Variants in PGBD5 observed in about 807,000 individuals in gnomAD.
PGBD5 encodes the protein piggyBac transposable element-derived protein 5.
A neutral mutation model predicts 47.9 loss-of-function variants in PGBD5; 14 were observed. The ratio of observed to expected loss-of-function variants is 0.29; its 90% CI spans 0.19 to 0.46. The LOEUF (loss-of-function observed/expected upper bound fraction) is 0.46. PGBD5 is among the 20% of genes least tolerant of loss of function. PGBD5 has a pLI of 1.00. For synonymous variants in PGBD5, 316 were observed against 306.3 expected (o/e 1.03, Z -0.33); for missense variants, 635 against 716.0 (o/e 0.89, Z 1.29).
intron 1 of PGBD5, among the ~76,000 whole-genome samples, chr1:230,390,883 G>A (rs1047871534): frequency 1.3e-5 from 2 of 152,138 alleles, no homozygotes; most frequent in African/African-American, 4.8e-5. Flanking sequence ...AGGATTACAG[G>A]AACGCACCAC....
intron 5 of PGBD5, among the ~76,000 whole-genome samples, chr1:230,329,064 C>T (rs953143922): frequency 6.6e-5 from 10 of 152,060 alleles, no homozygotes; most frequent in African/African-American, 9.7e-5. Context: ...CCCCACCAAC[C>T]CCCACCCCCC....
rs909100992 is a variant in PGBD5 at position 230,349,515 on chromosome 1, A to G, written c.894+1443T>C. Among the ~76,000 whole-genome samples, 7 of 139,194 alleles carry G rather than the reference A, an allele frequency of 5.0e-5. No individual in the cohort carries two copies. The East Asian group carries it at 8.5e-4, about 17-fold the overall frequency. 91.3% of individuals were successfully genotyped at this position (139,194 alleles called of 152,430 possible). ...ATGCTGCTTTACTTCAGCCTGGGTGACAGAGTCAGACCCCGTCTCAAAAAA... is the reference window on the plus strand; with the variant it reads ...ATGCTGCTTTACTTCAGCCTGGGTGGCAGAGTCAGACCCCGTCTCAAAAAA... On this transcript the variant is annotated intron_variant, in intron 3 of 6. Transcript: ENST00000391860.
rs1267059877 is a variant in PGBD5, at chr1:230,337,168, T to C, written c.1015A>G (p.Ile339Val). Residue 339 changes from isoleucine to valine, a missense_variant, in exon 4 of 7, where the codon ATC becomes GTC. Physicochemically the swap from Ile to Val is conservative, Grantham distance 29 (BLOSUM62 3). Transcript: ENST00000391860. ...LCRNAAGKNY[I>V]IFTGPSITSL... is the part of the protein sequence containing the mutation. Reference sequence around the variant, plus strand: ...GTGATGCTGGGCCCCGTGAAAATGATGTAGTTCTTGCCTGCCGCGTTCCGG... The same window carrying C: ...GTGATGCTGGGCCCCGTGAAAATGACGTAGTTCTTGCCTGCCGCGTTCCGG... 4 of 1,614,184 alleles carry C rather than the reference T, an allele frequency of 2.5e-6. No individual in the cohort carries two copies. In the African/African-American group the frequency reaches 4.0e-5, roughly 16 times the overall value.
chr1:230,319,321 G>A lies in PGBD5; in HGVS notation c.*4104C>T, dbSNP rs1373390785. On this transcript the variant is annotated 3_prime_UTR_variant, in exon 7 of 7. Coordinates refer to ENST00000391860, the MANE Select transcript of PGBD5 (RefSeq NM_001258311.2). ...CATACCTTTCAAACACAGCACCTGC[G>A]AGGATGCAGGAGACAGATCTGGGAG... 1.3e-5 allele frequency: 2 copies of A among 152,384 alleles called. No homozygotes were observed. The highest frequency in any genetic ancestry group is 1.9e-4 in the East Asian group (1 of 5,190). The allele number at this position is 152,384 out of a possible 1,614,324, so 9.4% of individuals were successfully genotyped here.
Position 230,405,652 on chromosome 1 carries a change from T to C in PGBD5, c.331+19946A>G, listed in dbSNP as rs1243459210. On this transcript the variant is annotated intron_variant, in intron 1 of 6. Transcript: ENST00000391860. The stretch of plus-strand genomic sequence containing the variant: ...TTCAAGCATCAGCTGTATATACCAG[T>C]AGCCTCCCTGGCTGAGGACAACAGT... Among the ~76,000 whole-genome samples, 3 of 152,150 alleles carry C rather than the reference T, an allele frequency of 2.0e-5. No homozygotes were observed. The East Asian group carries it at 5.8e-4, about 29-fold the overall frequency.
chr1:230,399,110 G>A (rs1211056995), intron 1 of PGBD5, among the ~76,000 whole-genome samples: 2 of 152,090 alleles, frequency 1.3e-5, no homozygotes, highest in Non-Finnish European at 2.9e-5. Context: ...AGAACACACC[G>A]AGACAGGAGC....
Position 230,425,908 on chromosome 1 carries a change from GC to G in PGBD5, c.20del (p.Gly7AlafsTer156). On this transcript the variant is annotated frameshift_variant, in exon 1 of 7. Transcript: ENST00000391860. LOFTEE classifies it high-confidence loss of function. This position sits in a 1 kb window ranked among gnomAD's most constrained non-coding sequence, Gnocchi z 4.7. ...GCAGCGCCGGCGCCCTCCTCCGCGCGCCCCCGCCGCCCTCGGCCATGGCCCC... is the reference window on the plus strand; with the variant it reads ...GCAGCGCCGGCGCCCTCCTCCGCGCGCCCCGCCGCCCTCGGCCATGGCCCC... MAEGGG[G>X]ARRRAPALLE... 8.7e-7 allele frequency: 1 copy of G among 1,144,856 alleles called. No homozygotes were observed. Among genetic ancestry groups the G allele is most frequent in the Non-Finnish European group, 1.1e-6 (1 of 934,424 alleles). The allele number at this position is 1,144,856 out of a possible 1,614,324, so 70.9% of individuals were successfully genotyped here. A position where few individuals can be genotyped will look rare whatever the true frequency, so the allele number is the denominator to read the frequency against.
chr1:230,367,218 C>A (rs1667849876), intron 1 of PGBD5, among the ~76,000 whole-genome samples: 1 of 152,164 alleles, frequency 6.6e-6, no homozygotes, highest in Non-Finnish European at 1.5e-5. Flanking sequence ...TTTCTTCAGG[C>A]TCCTTCCCCA....
intron 1 of PGBD5, among the ~76,000 whole-genome samples, chr1:230,379,621 T>C (rs1234863080): frequency 1.3e-5 from 2 of 152,236 alleles, no homozygotes; most frequent in Non-Finnish European, 2.9e-5. Flanking sequence ...TGCTCTTGCA[T>C]TGTTAACTGG....
chr1:230,360,693 C>G (rs12755630), intron 1 of PGBD5, among the ~76,000 whole-genome samples: 2 of 152,008 alleles, frequency 1.3e-5, no homozygotes, highest in African/African-American at 4.8e-5. Context: ...CGAAACCATG[C>G]GAACTGTGAG....
At position 230,325,345 on chromosome 1, in the gene PGBD5, CAGGTGAG is replaced by C. The variant is rs1667098592; in HGVS notation, c.1337_1343del (p.Ala446GlyfsTer51). On this transcript the variant is annotated frameshift_variant, in exon 6 of 7. Coordinates refer to ENST00000391860, the MANE Select transcript of PGBD5 (RefSeq NM_001258311.2). LOFTEE classifies it high-confidence loss of function. ...TGTCATCGTATCTGCAGATGTAGCT[CAGGTGAG>C]CGGCAAACGCCTCCACGGCCAAGGG... is the stretch of plus-strand genomic sequence containing the variant. The C allele has an allele frequency of 6.2e-7, 1 of 1,613,810 alleles. No individual in the cohort carries two copies. The highest frequency in any genetic ancestry group is 1.3e-5 in the African/African-American group (1 of 75,036).
rs1156981361 is a variant in PGBD5, at chr1:230,425,578, A to T, written c.331+20T>A. ...GGTTCCAGCGCCGCCCCCGACATCC[A>T]CCCGCGGGCAGCCCCTTACCGCCGG... On this transcript the variant is annotated intron_variant, in intron 1 of 6. Coordinates refer to ENST00000391860, the MANE Select transcript of PGBD5 (RefSeq NM_001258311.2). The surrounding 1 kb of genome is among the most constrained non-coding windows in gnomAD (Gnocchi z 4.7). 8.2e-7 allele frequency: 1 copy of T among 1,214,714 alleles called. No individual in the cohort carries two copies. Among genetic ancestry groups the T allele is most frequent in the South Asian group, 4.2e-5 (1 of 23,852 alleles). 75.2% of individuals were successfully genotyped at this position (1,214,714 alleles called of 1,614,324 possible). A position where few individuals can be genotyped will look rare whatever the true frequency, so the allele number is the denominator to read the frequency against.
In PGBD5 at chr1:230,317,379, G is replaced by C. The variant is rs115024860; in HGVS notation, c.*6046C>G. 181 of 152,306 alleles carry C rather than the reference G, an allele frequency of 1.2e-3. No homozygotes were observed. Among genetic ancestry groups the C allele is most frequent in the African/African-American group, 4.2e-3 (174 of 41,556 alleles). 9.4% of individuals were successfully genotyped at this position (152,306 alleles called of 1,614,324 possible). A position where few individuals can be genotyped will look rare whatever the true frequency, so the allele number is the denominator to read the frequency against. ...GTGTCACTTTCCCATCACAAAAGGG[G>C]GACCGATGGTTGTCAGCTCCCAGGG... On this transcript the variant is annotated 3_prime_UTR_variant, in exon 7 of 7. Transcript: ENST00000391860.
intron 6 of PGBD5, 117 bp downstream of exon 6, chr1:230,325,193 G>C (rs1571821173): frequency 1.3e-6 from 1 of 788,906 alleles, no homozygotes; most frequent in Non-Finnish European, 2.1e-6. Flanking sequence ...TTACCTCCCA[G>C]GGTCTTCATC....
At chr1:230,332,695 G>A (rs973792761) in intron 5 of PGBD5, 149 bp downstream of exon 5, 2 of 850,808 alleles carry the variant, frequency 2.4e-6, no homozygotes, top group Non-Finnish European at 3.7e-6. Context: ...TTAGGAGCGT[G>A]GCCCCAGATG....
At chr1:230,376,183 G>T (rs1232529055) in intron 1 of PGBD5, among the ~76,000 whole-genome samples, 1 of 152,098 alleles carries the variant, frequency 6.6e-6, no homozygotes, top group Non-Finnish European at 1.5e-5. Flanking sequence ...AAGAATACTT[G>T]AGAGAGCTGA....
Position 230,332,954 on chromosome 1 carries a change from G to A in PGBD5, c.1163C>T (p.Pro388Leu), listed in dbSNP as rs759059657. The change falls in exon 5 of 7, where the codon CCG becomes CTG. Residue 388 changes from proline (P) to leucine (L), a missense_variant. Coordinates refer to ENST00000391860, the MANE Select transcript of PGBD5 (RefSeq NM_001258311.2). ...LSMLTNPATP[P>L]ARGQYQIKMK... Reference sequence around the variant, plus strand: ...CTTGATTTGGTACTGGCCCCGGGCCGGGGGTGTGGCTGGGTTGGTCAGCAT... The same window carrying A: ...CTTGATTTGGTACTGGCCCCGGGCCAGGGGTGTGGCTGGGTTGGTCAGCAT... 2 of 1,614,152 alleles carry A rather than the reference G, an allele frequency of 1.2e-6. No individual in the cohort carries two copies. Among genetic ancestry groups the A allele is most frequent in the African/African-American group, 1.3e-5 (1 of 75,072 alleles).
In PGBD5 at chr1:230,362,132, C is replaced by T. The variant is rs575534824; in HGVS notation, c.332-4811G>A. ...AAGGGCGCGGGAAGCCAGTGAAGGG[C>T]TGTGAGCACCACGTGACCATGCTCT... On this transcript the variant is annotated intron_variant, in intron 1 of 6. Coordinates refer to ENST00000391860, the MANE Select transcript of PGBD5 (RefSeq NM_001258311.2). The T allele has an allele frequency of 1.9e-5, 22 of 1,149,166 alleles. No individual in the cohort carries two copies. The South Asian group carries it at 3.4e-4, about 18-fold the overall frequency. 71.2% of individuals were successfully genotyped at this position (1,149,166 alleles called of 1,614,324 possible).
At chr1:230,381,606 C>G (rs564451992) in intron 1 of PGBD5, among the ~76,000 whole-genome samples, 104 of 152,344 alleles carry the variant, frequency 6.8e-4, no homozygotes, top group African/African-American at 2.5e-3. Flanking sequence ...AGAAAACCAC[C>G]CACTACTTTC....
Sources: allele counts gnomAD v4.1 joint callset (sites outside exome capture counted in the v4.1 genomes callset), GRCh38; gene constraint gnomAD v4.1.1; non-coding constraint Gnocchi (gnomAD v3.1); transcripts MANE v1.5; gene names NCBI Gene and HGNC (gene_info 2026-07-23, HGNC 2026-07-21).